Variants in CTNNA3 observed in about 807,000 individuals in gnomAD.
The protein encoded by CTNNA3 is catenin alpha 3, also known as catenin alpha-3.
CTNNA3 carries 76 observed loss-of-function variants against 95.7 expected under a neutral mutation model. That is an observed-to-expected ratio of 0.79 (90% CI 0.66 to 0.96). The LOEUF (loss-of-function observed/expected upper bound fraction) is 0.96. Among genes scored for constraint, CTNNA3 ranks in the 40% least tolerant of loss-of-function variants. CTNNA3 has a pLI of 0.00. For synonymous variants in CTNNA3, 431 were observed against 374.4 expected, an observed-to-expected ratio of 1.15 and a Z score of -1.74; for missense variants, 1,191 against 1,089.8, an observed-to-expected ratio of 1.09 and a Z score of -1.31.
chr10:66,954,623 T>C (rs912484868), intron 7 of CTNNA3, among the ~76,000 whole-genome samples: 14 of 152,124 alleles, frequency 9.2e-5, no homozygotes, highest in African/African-American at 3.1e-4. Flanking sequence ...AGAAGGAAAA[T>C]GAGGTTTAAA....
At chr10:67,281,135 G>GAAA (rs149732508) in intron 5 of CTNNA3, among the ~76,000 whole-genome samples, 1 of 143,330 alleles carries the variant, frequency 7.0e-6, no homozygotes, top group Admixed American at 6.9e-5. Context: ...TTACACTTTT[G>GAAA]AAAAAAAAAA....
intron 5 of CTNNA3, among the ~76,000 whole-genome samples, chr10:67,504,451 A>AAAAAAAAAACAAAAAAAAAAAAAC (rs1554845819): frequency 7.0e-6 from 1 of 143,532 alleles, no homozygotes; most frequent in African/African-American, 2.6e-5. Flanking sequence ...AAAAAAAAAA[A>AAAAAAAAAACAAAAAAAAAAAAAC]AAAAAAAAAC....
intron 7 of CTNNA3, among the ~76,000 whole-genome samples, chr10:67,115,522 T>C (rs758069282): frequency 7.3e-5 from 11 of 151,558 alleles, no homozygotes; most frequent in Non-Finnish European, 1.5e-4. Flanking sequence ...TAAAATAAAA[T>C]TGATGAACAT....
rs147121362 is a variant in CTNNA3, at chr10:67,739,101, G to T, written c.-2+24333C>A. ...CAGGAAATACACAGAATGCCACAAA[G>T]ATACTCCTGGAGAAGAGCAACTCCA... On this transcript the variant is annotated intron_variant, in intron 1 of 17. Transcript: ENST00000684154. Among the ~76,000 whole-genome samples the T allele has an allele frequency of 6.5e-4, 99 of 152,206 alleles. 1 individual carries two copies. The East Asian group carries it at 0.019, about 29-fold the overall frequency.
Position 67,637,753 on chromosome 10 carries a change from C to T in CTNNA3, c.99+9662G>A, listed in dbSNP as rs866360945. ...GAATTTTTAACCCAGAATTTCATAT[C>T]CAGCCAAACTAAACTTCATAAGTGA... On this transcript the variant is annotated intron_variant, in intron 2 of 17. Transcript: ENST00000433211. Among the ~76,000 whole-genome samples, 5 of 152,246 alleles carry T rather than the reference C, an allele frequency of 3.3e-5. No homozygotes were observed. In the Middle Eastern group the frequency reaches 0.017, roughly 518 times the overall value.
At chr10:66,541,794 G>A (rs550386826) in intron 10 of CTNNA3, among the ~76,000 whole-genome samples, 10 of 152,136 alleles carry the variant, frequency 6.6e-5, no homozygotes, top group East Asian at 5.8e-4. Flanking sequence ...TTTACAACAC[G>A]TAAGAGATTT....
chr10:66,079,318 A>G (rs2080653143), intron 14 of CTNNA3: 1 of 151,954 alleles, frequency 6.6e-6, no homozygotes, highest in African/African-American at 2.4e-5. Context: ...TGGTAAGGTA[A>G]AGATGCATAT....
intron 15 of CTNNA3, among the ~76,000 whole-genome samples, chr10:66,017,726 A>G (rs1415866564): frequency 6.6e-6 from 1 of 152,142 alleles, no homozygotes; most frequent in African/African-American, 2.4e-5. Flanking sequence ...AACTATTGTT[A>G]ACCGACAAAA....
At chr10:67,169,245 C>G (rs1861912023) in intron 7 of CTNNA3, among the ~76,000 whole-genome samples, 1 of 152,110 alleles carries the variant, frequency 6.6e-6, no homozygotes, top group African/African-American at 2.4e-5. Flanking sequence ...GCTATCCTAT[C>G]AAACTACCAA....
At chr10:67,241,282 G>A (rs952259383) in intron 5 of CTNNA3, among the ~76,000 whole-genome samples, 1 of 152,168 alleles carries the variant, frequency 6.6e-6, no homozygotes, top group South Asian at 2.1e-4. Flanking sequence ...AATTAGTTGG[G>A]CATGGTGGTG....
chr10:67,508,990 C>T (rs953767226), intron 5 of CTNNA3, among the ~76,000 whole-genome samples: 1 of 151,834 alleles, frequency 6.6e-6, no homozygotes, highest in East Asian at 1.9e-4. Flanking sequence ...AATTCTCTTG[C>T]CTCAGCCTCC....
chr10:67,100,856 T>C (rs1353688118), intron 7 of CTNNA3, among the ~76,000 whole-genome samples: 1 of 151,736 alleles, frequency 6.6e-6, no homozygotes, highest in African/African-American at 2.4e-5. Flanking sequence ...GCAGTTGAAT[T>C]ATTCTCAAAA....
intron 7 of CTNNA3, among the ~76,000 whole-genome samples, chr10:67,001,216 G>A (rs1213358692): frequency 2.0e-5 from 3 of 150,118 alleles, no homozygotes; most frequent in East Asian, 2.0e-4. Flanking sequence ...CAGGAGAATC[G>A]CTTGAACCAG....
At chr10:66,839,281 A>G (rs1211236766) in intron 7 of CTNNA3, among the ~76,000 whole-genome samples, 3 of 152,064 alleles carry the variant, frequency 2.0e-5, no homozygotes. Flanking sequence ...TGTTTGAGCT[A>G]TGGGTTTATA....
At chr10:67,686,822 G>T (rs1436438520) in intron 1 of CTNNA3, among the ~76,000 whole-genome samples, 1 of 152,050 alleles carries the variant, frequency 6.6e-6, no homozygotes, top group African/African-American at 2.4e-5. Flanking sequence ...GAAAAGTTTT[G>T]TCCTGTGGGA....
chr10:66,851,058 C>T (rs1054665056), intron 7 of CTNNA3, among the ~76,000 whole-genome samples: 12 of 152,106 alleles, frequency 7.9e-5, no homozygotes, highest in Admixed American at 5.2e-4. Flanking sequence ...AAAGTCCAGA[C>T]TCCTCTCACC....
At position 67,219,522 on chromosome 10, in the gene CTNNA3, G is replaced by A. The variant is rs142854349; in HGVS notation, c.843+85C>T. 1,653 of 1,412,836 alleles carry A rather than the reference G, an allele frequency of 1.2e-3. 18 individuals carry two copies. The African/African-American group carries it at 0.021, about 18-fold the overall frequency. The allele number at this position is 1,412,836 out of a possible 1,614,324, so 87.5% of individuals were successfully genotyped here. A position where few individuals can be genotyped will look rare whatever the true frequency, so the allele number is the denominator to read the frequency against. ...TTTTTTATTTTCTCATGCTCTAAAC[G>A]CCAACATGTGGATCTTCTTCTGTTT... is the stretch of plus-strand genomic sequence containing the variant. On this transcript the variant is annotated intron_variant, in intron 6 of 17. Transcript: ENST00000433211.
chr10:67,694,857 GA>G (rs565967759), intron 1 of CTNNA3, among the ~76,000 whole-genome samples: 2 of 152,122 alleles, frequency 1.3e-5, no homozygotes, highest in East Asian at 1.9e-4. Context: ...CTTTTATAAT[GA>G]AAAAAAGTTT....
intron 5 of CTNNA3, among the ~76,000 whole-genome samples, chr10:67,255,564 CCTT>C (rs2132372971): frequency 6.6e-6 from 1 of 152,214 alleles, no homozygotes; most frequent in South Asian, 2.1e-4. Context: ...ATACTTTAAT[CCTT>C]CTAATAACCC....
Sources: allele counts gnomAD v4.1 joint callset (sites outside exome capture counted in the v4.1 genomes callset), GRCh38; gene constraint gnomAD v4.1.1; transcripts MANE v1.5; gene names NCBI Gene and HGNC (gene_info 2026-07-23, HGNC 2026-07-21).